ZNF227: variants seen among roughly 807,000 people sequenced by gnomAD.
The protein encoded by ZNF227 is zinc finger protein 227.
ZNF227 carries 12 observed loss-of-function variants against 13.2 expected under a neutral mutation model. That is an observed-to-expected ratio of 0.91 (90% CI 0.58 to 1.47). The LOEUF is 1.47. Among genes scored for constraint, ZNF227 ranks in the 40% most tolerant of loss-of-function variants. The pLI is 0.00. For missense variants in ZNF227, 885 were observed against 967.5 expected, an observed-to-expected ratio of 0.91 and a Z score of 1.13; for synonymous variants, 338 against 326.0, an observed-to-expected ratio of 1.04 and a Z score of -0.40.
chr19:44,228,603 TC>T, intron 4 of ZNF227, 31 bp downstream of exon 4: 1 of 1,577,056 alleles, frequency 6.3e-7, no homozygotes, highest in Middle Eastern at 1.7e-4. Flanking sequence ...ACCCTGAACT[TC>T]AGTTCCCTTG....
At chr19:44,232,340 C>G (rs1435056207) in intron 5 of ZNF227, among the ~76,000 whole-genome samples, 1 of 152,244 alleles carries the variant, frequency 6.6e-6, no homozygotes, top group Non-Finnish European at 1.5e-5. Flanking sequence ...CTCTCTATAT[C>G]GCTCTAAGTT....
chr19:44,221,698 C>A (rs1230447614), intron 3 of ZNF227, among the ~76,000 whole-genome samples: 1 of 152,074 alleles, frequency 6.6e-6, no homozygotes, highest in East Asian at 1.9e-4. Flanking sequence ...AAAATTTTCT[C>A]CCATTTTGTA....
chr19:44,212,021 C>T (rs1971397593), upstream of ZNF227, among the ~76,000 whole-genome samples: 2 of 151,204 alleles, frequency 1.3e-5, no homozygotes, highest in South Asian at 4.2e-4. Context: ...TCCCAAGTAG[C>T]TGGGACTACA....
At chr19:44,234,549 G>A (rs1019991552) in intron 5 of ZNF227, among the ~76,000 whole-genome samples, 153 bp from the exon 6 acceptor site, 2 of 152,178 alleles carry the variant, frequency 1.3e-5, no homozygotes, top group African/African-American at 4.8e-5. Flanking sequence ...TGAAAAACAT[G>A]TCAAAAGAAT....
chr19:44,236,933 G>T lies in ZNF227; in HGVS notation c.*103G>T. On this transcript the variant is annotated 3_prime_UTR_variant, in exon 6 of 6. Transcript: ENST00000313040. ...CTGTAAAACTACTGAGAGTGGAAGG[G>T]GGTTTGTTCACACTTGGAATCTTTC... 1.1e-6 allele frequency: 1 copy of T among 899,194 alleles called. No individual in the cohort carries two copies. The highest frequency in any genetic ancestry group is 1.6e-6 in the Non-Finnish European group (1 of 606,388). The allele number at this position is 899,194 out of a possible 1,614,324, so 55.7% of individuals were successfully genotyped here. A position where few individuals can be genotyped will look rare whatever the true frequency, so the allele number is the denominator to read the frequency against.
chr19:44,225,448 T>C (rs1245847886), intron 3 of ZNF227, among the ~76,000 whole-genome samples: 1 of 152,236 alleles, frequency 6.6e-6, no homozygotes, highest in Non-Finnish European at 1.5e-5. Context: ...CCATATTTCT[T>C]GGAGGCTTTG....
intron 5 of ZNF227, 67 bp downstream of exon 5, chr19:44,229,883 T>C (rs1973606392): frequency 9.0e-6 from 10 of 1,110,674 alleles, no homozygotes; most frequent in Admixed American, 2.4e-5. Flanking sequence ...TCTTACCATG[T>C]CCATGACCTC....
In ZNF227 at chr19:44,234,942, T is replaced by C. The variant is rs370304805; in HGVS notation, c.512T>C (p.Phe171Ser). 33 of 1,613,492 alleles carry C rather than the reference T, an allele frequency of 2.0e-5. No individual in the cohort carries two copies. Among genetic ancestry groups the C allele is most frequent in the Non-Finnish European group, 5.9e-6 (7 of 1,179,942 alleles). The stretch of plus-strand genomic sequence containing the variant: ...TATATTGAAAATCAAGAGTTTCCAT[T>C]TTGGAGAACCCAGCATTCTTGCGGG... ...SIYIENQEFP[F>S]WRTQHSCGNT... Residue 171 changes from phenylalanine to serine, a missense_variant, in exon 6 of 6, where the codon TTT (phenylalanine) becomes TCT (serine). Phe to Ser is a radical substitution (Grantham distance 155). Coordinates refer to ENST00000313040, the MANE Select transcript of ZNF227 (RefSeq NM_182490.3).
intron 3 of ZNF227, among the ~76,000 whole-genome samples, chr19:44,219,298 C>A (rs1972207907): frequency 6.6e-6 from 1 of 152,136 alleles, no homozygotes; most frequent in Non-Finnish European, 1.5e-5. Context: ...AACGTAGATG[C>A]TCAAGCACAG....
At chr19:44,213,818 A>G (rs1207882051) in intron 2 of ZNF227, 1 of 152,216 alleles carries the variant, frequency 6.6e-6, no homozygotes, top group African/African-American at 2.4e-5. Flanking sequence ...TTTTTTAGAA[A>G]AATCCTGCAA....
Position 44,236,324 on chromosome 19 carries a change from T to C in ZNF227, c.1894T>C (p.Tyr632His). Residue 632 changes from tyrosine (Y) to histidine (H), a missense_variant, in exon 6 of 6, where the codon TAC becomes CAC. By Grantham distance (83) the Tyr-to-His change is moderately conservative. Transcript: ENST00000313040. ...HQRVHTGEKPYKCGVCGKGFS... is the reference protein window; with the variant it reads ...HQRVHTGEKPHKCGVCGKGFS... ...GAGAGTCCATACTGGAGAGAAGCCATACAAATGTGGTGTCTGTGGTAAGGG... is the reference window on the plus strand; with the variant it reads ...GAGAGTCCATACTGGAGAGAAGCCACACAAATGTGGTGTCTGTGGTAAGGG... The C allele has an allele frequency of 1.2e-6, 2 of 1,614,038 alleles. No homozygotes were observed. Among genetic ancestry groups the C allele is most frequent in the Non-Finnish European group, 1.7e-6 (2 of 1,179,986 alleles).
chr19:44,223,049 T>C lies in ZNF227; in HGVS notation c.60+5197T>C, dbSNP rs577912460. Among the ~76,000 whole-genome samples the C allele has an allele frequency of 5.3e-5, 8 of 152,364 alleles. No homozygotes were observed. The South Asian group carries it at 1.2e-3, about 24-fold the overall frequency. ...TGTGGTTTTTGTCTTTGGGTTTCTT[T>C]ATATGCTGTATTACATTTATTGATT... is the stretch of plus-strand genomic sequence containing the variant. On this transcript the variant is annotated intron_variant, in intron 3 of 5. Coordinates refer to ENST00000313040, the MANE Select transcript of ZNF227 (RefSeq NM_182490.3).
At chr19:44,220,942 T>TGA (rs1972433709) in intron 3 of ZNF227, among the ~76,000 whole-genome samples, 1 of 152,102 alleles carries the variant, frequency 6.6e-6, no homozygotes, top group Admixed American at 6.5e-5. Flanking sequence ...GTACTGAGAA[T>TGA]GATGATTTCC....
At chr19:44,221,947 TAAGG>T in intron 3 of ZNF227, among the ~76,000 whole-genome samples, 1 of 152,338 alleles carries the variant, frequency 6.6e-6, no homozygotes, top group Middle Eastern at 3.4e-3. Context: ...GTATAAAGTG[TAAGG>T]AAGGGATCCA....
intron 3 of ZNF227, among the ~76,000 whole-genome samples, chr19:44,225,555 G>A (rs1445436195): frequency 2.0e-5 from 3 of 151,954 alleles, no homozygotes; most frequent in African/African-American, 7.3e-5. Flanking sequence ...CCAGTTGATC[G>A]CATCGGCTCC....
chr19:44,221,818 T>C (rs982395491), intron 3 of ZNF227, among the ~76,000 whole-genome samples: 1 of 152,228 alleles, frequency 6.6e-6, no homozygotes, highest in African/African-American at 2.4e-5. Context: ...TTTAGTGTTT[T>C]AGACATGAAG....
intron 5 of ZNF227, among the ~76,000 whole-genome samples, chr19:44,230,768 A>G (rs987389702): frequency 3.3e-5 from 5 of 151,198 alleles, no homozygotes; most frequent in South Asian, 2.1e-4. Context: ...CCTCAGGTCT[A>G]TTGACTTAAA....
intron 3 of ZNF227, chr19:44,228,156 G>C (rs367861142): frequency 8.9e-6 from 2 of 223,890 alleles, no homozygotes; most frequent in South Asian, 2.1e-4. Flanking sequence ...TCTTGAACCC[G>C]GGAGGCGGAG....
In ZNF227 at chr19:44,234,989, C is replaced by T; in HGVS notation, c.559C>T (p.Gln187Ter). 1 of 1,614,108 alleles carries T rather than the reference C, an allele frequency of 6.2e-7. No homozygotes were observed. The highest frequency in any genetic ancestry group is 1.1e-5 in the South Asian group (1 of 91,070). The change falls in exon 6 of 6, where the codon CAG (glutamine) becomes TAG (stop). Residue 187 changes from glutamine (Q) to a stop codon, truncating the protein, a stop_gained. Coordinates refer to ENST00000313040, the MANE Select transcript of ZNF227 (RefSeq NM_182490.3). LOFTEE classifies it low-confidence loss of function (END_TRUNC). ...CGGGAATACATATCTGAGTGAGTCACAGATTCAGAGTAGAGGTAAGCAAAT... is the reference window on the plus strand; with the variant it reads ...CGGGAATACATATCTGAGTGAGTCATAGATTCAGAGTAGAGGTAAGCAAAT... ...SCGNTYLSES[Q>*]IQSRGKQIDV...
Sources: allele counts gnomAD v4.1 joint callset (sites outside exome capture counted in the v4.1 genomes callset), GRCh38; gene constraint gnomAD v4.1.1; transcripts MANE v1.5; gene names NCBI Gene and HGNC (gene_info 2026-07-23, HGNC 2026-07-21).